Variants in DDB1 observed in about 807,000 individuals in gnomAD.
DDB1 encodes DNA damage-binding protein 1.
In DDB1, 18 loss-of-function variants were observed where a neutral mutation model predicts 133.1. That is an observed-to-expected ratio of 0.14 (90% CI 0.09 to 0.20). DDB1 has a LOEUF of 0.20. DDB1 is among the 10% of genes least tolerant of loss of function. The pLI is 1.00. For missense variants in DDB1, 828 were observed against 1,459.2 expected (o/e 0.57, Z 7.05); for synonymous variants, 580 against 550.5 (o/e 1.05, Z -0.75).
chr11:61,322,013 G>A, intron 9 of DDB1: 1 of 536,208 alleles, frequency 1.9e-6, no homozygotes, highest in East Asian at 2.9e-5. Context: ...AGGTGACTTT[G>A]GAAAAAGTTA....
chr11:61,311,324 A>G (rs1017840704), intron 18 of DDB1: 6 of 151,908 alleles, frequency 3.9e-5, no homozygotes, highest in African/African-American at 1.6e-4. Context: ...AACATAACAC[A>G]TAACATAACA....
chr11:61,322,788 A>G (rs1856204301), intron 8 of DDB1: 1 of 563,148 alleles, frequency 1.8e-6, no homozygotes, highest in Non-Finnish European at 3.2e-6. Flanking sequence ...CTTGTTCATC[A>G]ATGTATCCAC....
chr11:61,318,544 C>A (rs1310598512), intron 10 of DDB1, among the ~76,000 whole-genome samples: 1 of 152,048 alleles, frequency 6.6e-6, no homozygotes, highest in Non-Finnish European at 1.5e-5. Context: ...ATGTCCTTTG[C>A]TAGTTTGGGG....
chr11:61,303,331 C>A, intron 22 of DDB1, 176 bp from the exon 23 acceptor site: 1 of 584,342 alleles, frequency 1.7e-6, no homozygotes, highest in Non-Finnish European at 3.0e-6. Flanking sequence ...CCAACGCAGC[C>A]CATTTGGTTG....
intron 1 of DDB1, chr11:61,331,983 C>G: frequency 3.3e-6 from 1 of 302,586 alleles, no homozygotes; most frequent in South Asian, 5.8e-5. Context: ...GCCTCTTGCC[C>G]CTCCAATTTT....
At chr11:61,314,823 CTTTTTT>C (rs549452269) in intron 12 of DDB1, 31 of 81,180 alleles carry the variant, frequency 3.8e-4, no homozygotes, top group Non-Finnish European at 6.3e-4. Flanking sequence ...AGTTTTTTGG[CTTTTTT>C]TTTTTTTTTT....
rs764194788 is a variant in DDB1, at chr11:61,313,991, T to C, written c.1754-22A>G. On this transcript the variant is annotated intron_variant, in intron 14 of 26. Transcript: ENST00000301764. ...ATCTCTGTGAGAAAGGGGGACATTATGTTCTTGTTCCACATTTTGACTCTG... is the reference window on the plus strand; with the variant it reads ...ATCTCTGTGAGAAAGGGGGACATTACGTTCTTGTTCCACATTTTGACTCTG... 15 of 1,614,182 alleles carry C rather than the reference T, an allele frequency of 9.3e-6. No individual in the cohort carries two copies. The African/African-American group carries it at 1.6e-4, about 17-fold the overall frequency.
In DDB1 at chr11:61,314,145, A is replaced by G. The variant is rs772934284; in HGVS notation, c.1655T>C (p.Leu552Pro). ...DITPLGDSNG[L>P]SPLCAIGLWT... ...GAGGCCAATGGCACAAAGAGGGGACAGTCCATTGCTGTCTCCTAATGGGGT... is the reference window on the plus strand; with the variant it reads ...GAGGCCAATGGCACAAAGAGGGGACGGTCCATTGCTGTCTCCTAATGGGGT... The change falls in exon 14 of 27, where the codon CTG becomes CCG. Residue 552 changes from leucine (L) to proline (P), a missense_variant. Coordinates refer to ENST00000301764, the MANE Select transcript of DDB1 (RefSeq NM_001923.5). The G allele has an allele frequency of 1.9e-6, 3 of 1,614,028 alleles. No homozygotes were observed. The highest frequency in any genetic ancestry group is 2.2e-5 in the East Asian group (1 of 44,888).
At chr11:61,327,076 A>T (rs773261788) in intron 4 of DDB1, among the ~76,000 whole-genome samples, 183 bp from the exon 5 acceptor site, 14 of 152,190 alleles carry the variant, frequency 9.2e-5, no homozygotes, top group Non-Finnish European at 1.6e-4. Context: ...TCCTAGGTAG[A>T]CTGCAGCATC....
intron 21 of DDB1, among the ~76,000 whole-genome samples, chr11:61,305,030 A>G (rs889533169): frequency 6.6e-6 from 1 of 152,222 alleles, no homozygotes; most frequent in Non-Finnish European, 1.5e-5. Flanking sequence ...GCTAAAGAAG[A>G]CAGACTCAAC....
chr11:61,314,207 G>A lies in DDB1; in HGVS notation c.1593C>T (p.His531=), dbSNP rs1166765141. 6.2e-7 allele frequency: 1 copy of A among 1,600,820 alleles called. No homozygotes were observed. The highest frequency in any genetic ancestry group is 8.5e-7 in the Non-Finnish European group (1 of 1,173,156). ...IHPQELRQIS[H]TEMEHEVACL... ...AAGCCACTTCATGTTCCATCTCTGTGTGGCTGAACAAAGAAGAATATGGCA... is the reference window on the plus strand; with the variant it reads ...AAGCCACTTCATGTTCCATCTCTGTATGGCTGAACAAAGAAGAATATGGCA... Residue 531 remains histidine (H), a synonymous_variant, in exon 14 of 27, where the codon CAC becomes CAT. Coordinates refer to ENST00000301764, the MANE Select transcript of DDB1 (RefSeq NM_001923.5).
chr11:61,319,873 G>A (rs1336764741), intron 10 of DDB1, among the ~76,000 whole-genome samples: 1 of 152,206 alleles, frequency 6.6e-6, no homozygotes, highest in Non-Finnish European at 1.5e-5. Flanking sequence ...CTGATTTGCA[G>A]TACTTGGTGT....
At chr11:61,331,913 G>T in intron 1 of DDB1, 2 of 536,216 alleles carry the variant, frequency 3.7e-6, no homozygotes, top group Non-Finnish European at 3.3e-6. Context: ...TAAGAAAACT[G>T]GACTGGACCT....
chr11:61,330,467 T>C (rs899508591), intron 2 of DDB1, among the ~76,000 whole-genome samples: 4 of 152,172 alleles, frequency 2.6e-5, no homozygotes, highest in African/African-American at 7.2e-5. Flanking sequence ...GAAGCTAAAA[T>C]GGATCAACAA....
At chr11:61,316,946 G>GATAGATATAT (rs1856083561) in intron 10 of DDB1, among the ~76,000 whole-genome samples, 2 of 29,076 alleles carry the variant, frequency 6.9e-5, no homozygotes, top group Non-Finnish European at 1.0e-4. Context: ...AAAAAGGATA[G>GATAGATATAT]ATATATATAT....
At chr11:61,310,249 A>G in intron 19 of DDB1, 46 bp downstream of exon 19, 1 of 1,585,606 alleles carries the variant, frequency 6.3e-7, no homozygotes, top group East Asian at 2.2e-5. Flanking sequence ...AACAGCCTGG[A>G]TTAGGGAGGG....
chr11:61,330,020 G>A lies in DDB1; in HGVS notation c.265C>T (p.Leu89=), dbSNP rs905315997. The A allele has an allele frequency of 6.2e-7, 1 of 1,613,954 alleles. No homozygotes were observed. Among genetic ancestry groups the A allele is most frequent in the African/African-American group, 1.3e-5 (1 of 75,022 alleles). ...CTCTCGCCACTCTGTTTATACTCCA[G>A]GATGCAGGCATTGTACTTCGCTGTC... ...ILTAKYNACI[L]EYKQSGESID... The change falls in exon 3 of 27, where the codon CTG becomes TTG. Residue 89 remains leucine, a synonymous_variant. Coordinates refer to ENST00000301764, the MANE Select transcript of DDB1 (RefSeq NM_001923.5).
At chr11:61,320,089 C>CA (rs1233741023) in intron 10 of DDB1, among the ~76,000 whole-genome samples, 2 of 152,150 alleles carry the variant, frequency 1.3e-5, no homozygotes, top group African/African-American at 4.8e-5. Flanking sequence ...ATTACTTTTA[C>CA]ATCCTGCTAT....
chr11:61,316,830 G>C (rs1429435688), intron 10 of DDB1, among the ~76,000 whole-genome samples: 1 of 148,680 alleles, frequency 6.7e-6, no homozygotes, highest in African/African-American at 2.5e-5. Flanking sequence ...AGGCTGAGGT[G>C]GGGGGATTGC....
Sources: gnomAD v4.1 joint callset for allele counts (sites outside exome capture counted in the v4.1 genomes callset) on GRCh38, gnomAD v4.1.1 for gene constraint, MANE v1.5 for transcripts, NCBI Gene and HGNC (gene_info 2026-07-23, HGNC 2026-07-21) for gene names.